Variants in LETMD1 observed in about 807,000 individuals in gnomAD.
LETMD1 encodes LETM1 domain-containing protein 1.
LETMD1 carries 30 observed loss-of-function variants against 43.9 expected under a neutral mutation model. The observed-to-expected ratio is 0.68, with a 90% CI of 0.51 to 0.93. The LOEUF (loss-of-function observed/expected upper bound fraction) is 0.93. Ranked by LOEUF, LETMD1 falls within the 40% of genes least tolerant of loss-of-function variation. The pLI is 0.00. For missense variants in LETMD1, 413 were observed against 447.7 expected (o/e 0.92, Z 0.70); for synonymous variants, 176 against 163.1 (o/e 1.08, Z -0.60).
the LETMD1 span, chr12:51,067,990 T>A: frequency 6.2e-7 from 1 of 1,608,608 alleles, no homozygotes; most frequent in Non-Finnish European, 8.5e-7. The surrounding 1 kb of genome is among the most constrained non-coding windows in gnomAD (Gnocchi z 4.1). Context: ...ACAGGAAAGG[T>A]TAGCCTCATA....
rs758019225 is a variant in LETMD1, at chr12:51,058,079, G to A, written c.963G>A (p.Arg321=). The A allele has an allele frequency of 1.2e-6, 2 of 1,613,978 alleles. No individual in the cohort carries two copies. The highest frequency in any genetic ancestry group is 8.5e-7 in the Non-Finnish European group (1 of 1,179,850). The change falls in exon 8 of 9, where the codon AGG becomes AGA. Residue 321 remains arginine (R), a synonymous_variant. Coordinates refer to ENST00000262055, the MANE Select transcript of LETMD1 (RefSeq NM_015416.5). The stretch of plus-strand genomic sequence containing the variant: ...ATTCTACGCATATTGGTGAAGATAG[G>A]TGTCGAACTTGGCTGGGAGAATGGC... ...GLNSTHIGED[R]CRTWLGEWLQ...
intron 1 of LETMD1, 76 bp from the exon 2 acceptor site, chr12:51,048,958 C>A: frequency 7.3e-7 from 1 of 1,365,630 alleles, no homozygotes; most frequent in South Asian, 1.4e-5. Flanking sequence ...GAGACTCCTG[C>A]TTTACATTAG....
chr12:51,055,690 A>AAAAT, intron 4 of LETMD1, 145 bp from the exon 5 acceptor site: 1 of 422,650 alleles, frequency 2.4e-6, no homozygotes, highest in Non-Finnish European at 4.1e-6. Context: ...AAAAAAAAAA[A>AAAAT]CTGAAAAAGA....
At chr12:51,061,851 ATTC>A (rs1366203899), downstream of LETMD1, 1 of 152,184 alleles carries the variant, frequency 6.6e-6, no homozygotes, top group Non-Finnish European at 1.5e-5. Context: ...TTTGAAAAAG[ATTC>A]TTTTCTCCAT....
chr12:51,063,649 GAGC>G, downstream of LETMD1: 1 of 948,716 alleles, frequency 1.1e-6, no homozygotes, highest in Non-Finnish European at 1.5e-6. Context: ...AATAACATGG[GAGC>G]AGCAGCTGCT....
chr12:51,059,601 T>G lies in LETMD1; in HGVS notation c.*170T>G. ...GGCACACATGTGGGAACTGCAGACATTCCTCTCACAGCTAGAACTGAAACA... is the reference window on the plus strand; with the variant it reads ...GGCACACATGTGGGAACTGCAGACAGTCCTCTCACAGCTAGAACTGAAACA... On this transcript the variant is annotated 3_prime_UTR_variant, in exon 9 of 9. Transcript: ENST00000262055. 1 of 643,260 alleles carries G rather than the reference T, an allele frequency of 1.6e-6. No homozygotes were observed. Among genetic ancestry groups the G allele is most frequent in the Non-Finnish European group, 2.8e-6 (1 of 351,194 alleles). The allele number at this position is 643,260 out of a possible 1,614,324, so 39.8% of individuals were successfully genotyped here.
chr12:51,049,153 G>C lies in LETMD1; in HGVS notation c.242G>C (p.Arg81Pro), dbSNP rs780212205. Reference sequence around the variant, plus strand: ...CGTTTCTTGGGTCGTCATTTCCCCCGCTTCTATGTCCTGTACACAATCTTC... The same window carrying C: ...CGTTTCTTGGGTCGTCATTTCCCCCCCTTCTATGTCCTGTACACAATCTTC... Reference protein sequence around the residue: ...YHRFLGRHFPRFYVLYTIFMK... With the variant: ...YHRFLGRHFPPFYVLYTIFMK... The change falls in exon 2 of 9, where the codon CGC (arginine) becomes CCC (proline). Residue 81 changes from arginine to proline, a missense_variant. By Grantham distance (103) the Arg-to-Pro change is moderately radical (BLOSUM62 -2). Coordinates refer to ENST00000262055, the MANE Select transcript of LETMD1 (RefSeq NM_015416.5). 3 of 1,613,730 alleles carry C rather than the reference G, an allele frequency of 1.9e-6. No homozygotes were observed. The East Asian group carries it at 6.7e-5, about 36-fold the overall frequency.
intron 7 of LETMD1, 111 bp from the exon 8 acceptor site, chr12:51,057,921 G>A (rs964510093): frequency 2.8e-5 from 24 of 849,502 alleles, no homozygotes; most frequent in African/African-American, 1.3e-4. Context: ...CACCGTGCCC[G>A]GTGAGATTGT....
At chr12:51,064,540 T>C, downstream of LETMD1, 3 of 1,613,344 alleles carry the variant, frequency 1.9e-6, no homozygotes, top group Non-Finnish European at 2.5e-6. Flanking sequence ...TGCCGCTTGC[T>C]CTCCAGCTCC....
chr12:51,056,424 T>C lies in LETMD1; in HGVS notation c.837T>C (p.His279=). 6.2e-7 allele frequency: 1 copy of C among 1,614,192 alleles called. No individual in the cohort carries two copies. The highest frequency in any genetic ancestry group is 8.5e-7 in the Non-Finnish European group (1 of 1,180,030). ...TGTTGAGACATCGTTTGAAGACTCA[T>C]ACAACTGTGATTCACCAACTGGACA... ...PPLLRHRLKT[H]TTVIHQLDKA... The change falls in exon 7 of 9, where the codon CAT becomes CAC. Residue 279 remains histidine (H), a synonymous_variant. Transcript: ENST00000262055.
At chr12:51,066,377 C>T in the LETMD1 span, among the ~76,000 whole-genome samples, 12 of 149,550 alleles carry the variant, frequency 8.0e-5, no homozygotes, top group South Asian at 1.7e-3. Context: ...TGCTTGAACC[C>T]GGGAGGCAGA....
intron 3 of LETMD1, 103 bp from the exon 4 acceptor site, chr12:51,053,675 C>G (rs1446159722): frequency 1.3e-5 from 10 of 745,938 alleles, no homozygotes; most frequent in African/African-American, 5.3e-5. Flanking sequence ...GGTCCTTTTT[C>G]TGGGCTGTAA....
At chr12:51,048,628 C>T in intron 1 of LETMD1, 150 bp downstream of exon 1, 1 of 969,066 alleles carries the variant, frequency 1.0e-6, no homozygotes, top group Non-Finnish European at 1.5e-6. Context: ...CTCCGATCCC[C>T]ACTAGTGACC....
At chr12:51,059,304 A>T in intron 8 of LETMD1, 57 bp from the exon 9 acceptor site, 2 of 1,490,358 alleles carry the variant, frequency 1.3e-6, no homozygotes, top group South Asian at 1.1e-5. Flanking sequence ...AGCCATATAT[A>T]ACAAGGCAGT....
chr12:51,054,151 G>A (rs994610728), intron 4 of LETMD1, among the ~76,000 whole-genome samples: 7 of 107,042 alleles, frequency 6.5e-5, no homozygotes, highest in Admixed American at 1.8e-4. Context: ...CTCTCTCCCC[G>A]AGAGAGAGTA....
At chr12:51,067,646 T>C in the LETMD1 span, 5 of 1,604,302 alleles carry the variant, frequency 3.1e-6, no homozygotes, top group Non-Finnish European at 4.3e-6. This position sits in a 1 kb window ranked among gnomAD's most constrained non-coding sequence, Gnocchi z 4.1. Context: ...GGTGTAGATA[T>C]ACTATCTCAG....
downstream of LETMD1, chr12:51,061,390 G>GTAA (rs1948825366): frequency 6.6e-6 from 1 of 152,612 alleles, no homozygotes; most frequent in Admixed American, 6.5e-5. Context: ...AAGGGTTGTG[G>GTAA]TAATAAGAGT....
chr12:51,053,920 G>A, intron 4 of LETMD1, 60 bp downstream of exon 4: 1 of 1,136,136 alleles, frequency 8.8e-7, no homozygotes, highest in South Asian at 1.4e-5. Context: ...TTTAAATTAA[G>A]AATTACTTTA....
Position 51,059,327 on chromosome 12 carries a change from T to G in LETMD1, c.1013-34T>G, listed in dbSNP as rs114386325. On this transcript the variant is annotated intron_variant, in intron 8 of 8. Transcript: ENST00000262055. Reference sequence around the variant, plus strand: ...ATAACAAGGCAGTTATAAGGCAGTGTTCCCAAGCCAAACCACTAACACTGT... The same window carrying G: ...ATAACAAGGCAGTTATAAGGCAGTGGTCCCAAGCCAAACCACTAACACTGT... 1.9e-3 allele frequency: 3,067 copies of G among 1,602,486 alleles called. 56 individuals carry two copies. In the African/African-American group the frequency reaches 0.037, roughly 19 times the overall value.
Sources: gnomAD v4.1 joint callset for allele counts (sites outside exome capture counted in the v4.1 genomes callset) on GRCh38, gnomAD v4.1.1 for gene constraint, Gnocchi (gnomAD v3.1) non-coding constraint, MANE v1.5 for transcripts, NCBI Gene and HGNC (gene_info 2026-07-23, HGNC 2026-07-21) for gene names.